The following MLPH variants were observed in gnomAD, a reference collection of about 807,000 sequenced individuals.
The protein encoded by MLPH is melanophilin.
MLPH carries 51 observed loss-of-function variants against 72.1 expected under a neutral mutation model. The observed-to-expected ratio is 0.71, with a 90% confidence interval of 0.56 to 0.89. The LOEUF (loss-of-function observed/expected upper bound fraction) is 0.89, where lower values mean the gene tolerates loss of function less well. Among genes scored for constraint, MLPH ranks in the 40% least tolerant of loss-of-function variants. MLPH has a pLI of 0.00. For synonymous variants in MLPH, 301 were observed against 310.1 expected, an observed-to-expected ratio of 0.97 and a Z score of 0.31; for missense variants, 743 against 759.9, an observed-to-expected ratio of 0.98 and a Z score of 0.26.
chr2:237,504,923 C>G (rs78358347), intron 2 of MLPH, among the ~76,000 whole-genome samples: 8 of 152,170 alleles, frequency 5.3e-5, no homozygotes, highest in Admixed American at 6.5e-5. Context: ...TCTGCTCCCC[C>G]TCGTGAGACC....
At chr2:237,537,215 C>A (rs944989895) in intron 9 of MLPH, among the ~76,000 whole-genome samples, 2 of 149,260 alleles carry the variant, frequency 1.3e-5, no homozygotes, top group African/African-American at 4.9e-5. Flanking sequence ...CTGTCACACA[C>A]GTATGTTGTC....
rs2081085026 is a variant in MLPH at position 237,553,852 on chromosome 2, T to G, written c.*260T>G. Reference sequence around the variant, plus strand: ...TGAGAAACAGCTAAGCTGCTGTGACTTCCCTTTAGGACAATGTTGTGTAAA... The same window carrying G: ...TGAGAAACAGCTAAGCTGCTGTGACGTCCCTTTAGGACAATGTTGTGTAAA... On this transcript the variant is annotated 3_prime_UTR_variant, in exon 16 of 16. Coordinates refer to ENST00000264605, the MANE Select transcript of MLPH (RefSeq NM_024101.7). The G allele has an allele frequency of 3.0e-6, 2 of 663,666 alleles. No individual in the cohort carries two copies. Among genetic ancestry groups the G allele is most frequent in the Non-Finnish European group, 5.6e-6 (2 of 358,526 alleles). 41.1% of individuals were successfully genotyped at this position (663,666 alleles called of 1,614,324 possible).
chr2:237,539,048 C>T (rs866428139), intron 9 of MLPH, among the ~76,000 whole-genome samples: 19 of 151,816 alleles, frequency 1.3e-4, no homozygotes, highest in African/African-American at 4.1e-4. Context: ...GAGGCAGGGG[C>T]GGGTGGGCGC....
chr2:237,521,670 G>A (rs1329879758), intron 6 of MLPH, among the ~76,000 whole-genome samples: 1 of 152,246 alleles, frequency 6.6e-6, no homozygotes, highest in Admixed American at 6.5e-5. Context: ...TAAAGGTTTG[G>A]ATTGATAGAT....
chr2:237,534,283 T>C (rs1322379564), intron 8 of MLPH, among the ~76,000 whole-genome samples: 1 of 152,204 alleles, frequency 6.6e-6, no homozygotes, highest in Non-Finnish European at 1.5e-5. Context: ...ACCTTCCAGA[T>C]TCAGCTCCTT....
chr2:237,546,832 C>G (rs986924100), intron 13 of MLPH, 149 bp downstream of exon 13: 1 of 737,550 alleles, frequency 1.4e-6, no homozygotes, highest in Non-Finnish European at 2.5e-6. Context: ...GCCACAACAC[C>G]GTGGCAACTC....
At chr2:237,508,074 T>C (rs1411706989) in intron 2 of MLPH, among the ~76,000 whole-genome samples, 4 of 152,202 alleles carry the variant, frequency 2.6e-5, no homozygotes, top group African/African-American at 7.2e-5. Context: ...TAGGGTTTCA[T>C]CAAGGTGATT....
chr2:237,498,378 G>A lies in MLPH; in HGVS notation c.110+4842G>A, dbSNP rs537026224. 8.5e-5 allele frequency among the ~76,000 whole-genome samples: 13 copies of A among 152,290 alleles called. No homozygotes were observed. In the Middle Eastern group the frequency reaches 0.01, roughly 120 times the overall value. The stretch of plus-strand genomic sequence containing the variant: ...ACGCTGGGCAGGGTCTGGAGGTGAC[G>A]CCTGCGCCTTTTCCCACAGCGTCAG... On this transcript the variant is annotated intron_variant, in intron 2 of 15. Transcript: ENST00000264605.
chr2:237,525,283 T>G (rs1361670519), intron 6 of MLPH, among the ~76,000 whole-genome samples: 1 of 152,118 alleles, frequency 6.6e-6, no homozygotes, highest in Non-Finnish European at 1.5e-5. Context: ...TCTGGGTGAG[T>G]CTGAGCCCCT....
intron 2 of MLPH, among the ~76,000 whole-genome samples, chr2:237,509,845 T>C (rs2079852608): frequency 6.6e-6 from 1 of 152,196 alleles, no homozygotes; most frequent in Non-Finnish European, 1.5e-5. Flanking sequence ...TTCAGAGTTC[T>C]CAGAAGACAA....
Position 237,510,365 on chromosome 2 carries a change from CA to C in MLPH, c.111-205del. 1 of 629,930 alleles carries C rather than the reference CA, an allele frequency of 1.6e-6. No individual in the cohort carries two copies. The highest frequency in any genetic ancestry group is 2.9e-6 in the Non-Finnish European group (1 of 346,284). The allele number at this position is 629,930 out of a possible 1,614,324, so 39.0% of individuals were successfully genotyped here. On this transcript the variant is annotated intron_variant, in intron 2 of 15. Transcript: ENST00000264605. The surrounding 1 kb of genome is among the most constrained non-coding windows in gnomAD (Gnocchi z 4.4). ...CGTGTTTCCATTCCATTCCAGCCACCAAAATTGCCCGTTTGAGCTCAGCCCT... is the reference window on the plus strand; with the variant it reads ...CGTGTTTCCATTCCATTCCAGCCACCAAATTGCCCGTTTGAGCTCAGCCCT...
intron 2 of MLPH, among the ~76,000 whole-genome samples, chr2:237,508,215 G>A (rs7595883): frequency 0.23 from 35,661 of 151,970 alleles, 7,195 homozygotes; most frequent in African/African-American, 0.54. Context: ...TGGTTCAAGC[G>A]ACTCTCCTGC....
rs1476392200 is a variant in MLPH at position 237,512,652 on chromosome 2, A to G, written c.445+1551A>G. Among the ~76,000 whole-genome samples the G allele has an allele frequency of 1.3e-5, 2 of 152,172 alleles. No individual in the cohort carries two copies. The highest frequency in any genetic ancestry group is 4.8e-5 in the African/African-American group (2 of 41,440). ...CGCACACGGCCAGCCTGGAGCCCAC[A>G]GAAGGGTCCTCCTGCAGCCAGTGGA... On this transcript the variant is annotated intron_variant, in intron 4 of 15. Coordinates refer to ENST00000264605, the MANE Select transcript of MLPH (RefSeq NM_024101.7). The surrounding 1 kb of genome is among the most constrained non-coding windows in gnomAD (Gnocchi z 5.5).
rs556916402 is a variant in MLPH at position 237,497,789 on chromosome 2, C to T, written c.110+4253C>T. Among the ~76,000 whole-genome samples the T allele has an allele frequency of 3.3e-5, 5 of 152,320 alleles. No individual in the cohort carries two copies. In the East Asian group the frequency reaches 9.6e-4, roughly 29 times the overall value. On this transcript the variant is annotated intron_variant, in intron 2 of 15. Transcript: ENST00000264605. ...ACATGAACAGTCATCTGTGTGCTGC[C>T]GCCACAGAATCCCGTTCTCTGTAGC...
At chr2:237,518,922 G>A (rs992278844) in intron 5 of MLPH, among the ~76,000 whole-genome samples, 2 of 152,180 alleles carry the variant, frequency 1.3e-5, no homozygotes, top group Non-Finnish European at 2.9e-5. Flanking sequence ...GAGTCTGGGG[G>A]CACACGGGTG....
intron 10 of MLPH, 38 bp from the exon 11 acceptor site, chr2:237,540,764 T>A: frequency 6.2e-7 from 1 of 1,609,178 alleles, no homozygotes; most frequent in Non-Finnish European, 8.5e-7. Context: ...CCACACTCCC[T>A]CCTGCTGCTG....
chr2:237,525,551 GC>G (rs2106339043), intron 6 of MLPH, 49 bp from the exon 7 acceptor site: 1 of 1,586,782 alleles, frequency 6.3e-7, no homozygotes, highest in Non-Finnish European at 8.7e-7. Context: ...CCAGGCAGCG[GC>G]CCCTCCTAGT....
chr2:237,519,067 G>GGTTTT (rs905028050), intron 5 of MLPH, among the ~76,000 whole-genome samples: 13 of 143,118 alleles, frequency 9.1e-5, no homozygotes, highest in African/African-American at 3.2e-4. Flanking sequence ...TCTCCTTCTG[G>GGTTTT]GTTTTGTTTT....
At chr2:237,536,379 T>C (rs1321360892) in intron 9 of MLPH, among the ~76,000 whole-genome samples, 1 of 152,200 alleles carries the variant, frequency 6.6e-6, no homozygotes, top group Non-Finnish European at 1.5e-5. Flanking sequence ...TGTGCCATAA[T>C]TTCATTTAAT....
Sources: allele counts gnomAD v4.1 joint callset (sites outside exome capture counted in the v4.1 genomes callset), GRCh38; gene constraint gnomAD v4.1.1; non-coding constraint Gnocchi (gnomAD v3.1); transcripts MANE v1.5; gene names NCBI Gene and HGNC (gene_info 2026-07-23, HGNC 2026-07-21).